Variants in IFT122 observed in about 807,000 individuals in gnomAD.
IFT122 encodes the protein intraflagellar transport 122.
IFT122 carries 118 observed loss-of-function variants against 161.6 expected under a neutral mutation model. The observed-to-expected ratio is 0.73, with a 90% CI of 0.63 to 0.85. The LOEUF (loss-of-function observed/expected upper bound fraction) is 0.85. Among genes scored for constraint, IFT122 ranks in the 40% least tolerant of loss-of-function variants. The probability of loss-of-function intolerance (pLI) is 0.00; values close to 1 mark genes in which losing one functional copy is unlikely to be tolerated. For missense variants in IFT122, 1,381 were observed against 1,579.6 expected (o/e 0.87, Z 2.13); for synonymous variants, 550 against 602.4 (o/e 0.91, Z 1.27).
intron 3 of IFT122, among the ~76,000 whole-genome samples, chr3:129,452,719 G>T (rs546161996): frequency 1.3e-5 from 2 of 152,196 alleles, no homozygotes; most frequent in African/African-American, 4.8e-5. Context: ...ACTACTGAAA[G>T]GTCCTCAGCA....
chr3:129,440,327 C>A lies in IFT122; in HGVS notation c.-4C>A, dbSNP rs374479969. ...GAGGAGCCCGAGCCGTAAGGGAAGC[C>A]GTGATGAGGGCCGTGTTGACGTGGA... is the stretch of plus-strand genomic sequence containing the variant. On this transcript the variant is annotated 5_prime_UTR_variant, in exon 1 of 30. Coordinates refer to ENST00000348417, the MANE Select transcript of IFT122 (RefSeq NM_052989.3). The A allele has an allele frequency of 1.9e-6, 3 of 1,550,742 alleles. No homozygotes were observed. The highest frequency in any genetic ancestry group is 2.0e-5 in the Admixed American group (1 of 50,978).
Position 129,514,366 on chromosome 3 carries a change from G to T in IFT122, c.2988-23G>T. The T allele has an allele frequency of 1.9e-6, 3 of 1,613,758 alleles. No homozygotes were observed. The South Asian group carries it at 3.3e-5, about 18-fold the overall frequency. ...TCCTGGGCCTGGTGTTGCCCCTGCTGTCCTTAACCCTGTTCACGGCAGGAA... is the reference window on the plus strand; with the variant it reads ...TCCTGGGCCTGGTGTTGCCCCTGCTTTCCTTAACCCTGTTCACGGCAGGAA... On this transcript the variant is annotated intron_variant, in intron 24 of 29. Transcript: ENST00000348417.
rs1422297328 is a variant in IFT122, at chr3:129,461,291, C to T, written c.336C>T (p.Ser112=). 6.2e-7 allele frequency: 1 copy of T among 1,612,386 alleles called. No individual in the cohort carries two copies. The highest frequency in any genetic ancestry group is 1.1e-5 in the South Asian group (1 of 91,038). The change falls in exon 5 of 30, where the codon TCC becomes TCT. Residue 112 remains serine, a synonymous_variant. Coordinates refer to ENST00000348417, the MANE Select transcript of IFT122 (RefSeq NM_052989.3). ...TTACTCATCAACTGGCATCTTGTTC[C>T]TCCAGTGACTTTGGTACGTTCTGAT... is the stretch of plus-strand genomic sequence containing the variant. ...NPITHQLASC[S]SSDFGLWSPE...
chr3:129,484,488 A>AT (rs1315309183), intron 15 of IFT122, among the ~76,000 whole-genome samples: 2 of 152,228 alleles, frequency 1.3e-5, no homozygotes, highest in Admixed American at 1.3e-4. Flanking sequence ...TTATAAGAAC[A>AT]TTTTTAAACA....
intron 15 of IFT122, chr3:129,487,919 G>A (rs1394253314): frequency 2.5e-6 from 1 of 394,390 alleles, no homozygotes; most frequent in Non-Finnish European, 4.9e-6. Context: ...GGCCTTGAAA[G>A]CCAAATAGGT....
chr3:129,495,326 G>A, intron 17 of IFT122, 120 bp from the exon 18 acceptor site: 1 of 1,393,070 alleles, frequency 7.2e-7, no homozygotes, highest in Admixed American at 2.1e-5. Flanking sequence ...CAGGAGCCAA[G>A]CCCAGGTTCC....
Position 129,483,669 on chromosome 3 carries a change from T to G in IFT122, c.1838T>G (p.Val613Gly), listed in dbSNP as rs1438918125. 6 of 1,599,460 alleles carry G rather than the reference T, an allele frequency of 3.8e-6. No homozygotes were observed. Among genetic ancestry groups the G allele is most frequent in the Non-Finnish European group, 5.1e-6 (6 of 1,172,696 alleles). ...CTCCATGTCTTCTCCATTTCTGCCG[T>G]GGAGGTGCCGCAGGTAACTGGGGGT... ...FCLHVFSISA[V>G]EVPQSAPMYQ... The change falls in exon 15 of 30, where the codon GTG (valine) becomes GGG (glycine). Residue 613 changes from valine to glycine, a missense_variant. Physicochemically the swap from Val to Gly is moderately radical, Grantham distance 109. Transcript: ENST00000348417.
intron 17 of IFT122, 97 bp downstream of exon 17, chr3:129,492,291 G>A (rs1559951882): frequency 4.0e-6 from 4 of 988,788 alleles, no homozygotes; most frequent in Non-Finnish European, 6.5e-6. Context: ...GAGGACATGG[G>A]AACAGAGCTC....
At chr3:129,463,254 G>GTGGT in intron 5 of IFT122, 2 of 330,950 alleles carry the variant, frequency 6.0e-6, no homozygotes, top group Non-Finnish European at 1.2e-5. Flanking sequence ...ATTGCCATCA[G>GTGGT]CGTGACACAG....
chr3:129,474,841 T>C (rs1434878861), intron 9 of IFT122, among the ~76,000 whole-genome samples: 1 of 152,110 alleles, frequency 6.6e-6, no homozygotes, highest in Non-Finnish European at 1.5e-5. Flanking sequence ...AAAGGACTTG[T>C]ATCTGGAATA....
chr3:129,448,529 G>A (rs1340813562), intron 1 of IFT122, among the ~76,000 whole-genome samples: 5 of 152,214 alleles, frequency 3.3e-5, no homozygotes, highest in South Asian at 4.1e-4. Context: ...TATTTACGTG[G>A]CCAGCGCCAT....
chr3:129,517,043 ACACACACACACACACACAGACTGCCCCTG>A (rs2083943449), intron 26 of IFT122, among the ~76,000 whole-genome samples: 1 of 113,038 alleles, frequency 8.8e-6, no homozygotes, highest in African/African-American at 3.6e-5. Context: ...GCTCCTGCAC[ACACACACACACACACACAGACTGCCCCTG>A]CACACACACA....
At position 129,478,161 on chromosome 3, in the gene IFT122, C is replaced by A; in HGVS notation, c.1293C>A (p.Ile431=). 1 of 1,614,176 alleles carries A rather than the reference C, an allele frequency of 6.2e-7. No homozygotes were observed. The highest frequency in any genetic ancestry group is 8.5e-7 in the Non-Finnish European group (1 of 1,180,024). The part of the protein sequence containing the change: ...DMHYRVKEKI[I]KKFECNLLVV... Reference sequence around the variant, plus strand: ...ATTACCGGGTAAAGGAGAAGATTATCAAGAAGTTTGAGTGCAACCTCCTGG... The same window carrying A: ...ATTACCGGGTAAAGGAGAAGATTATAAAGAAGTTTGAGTGCAACCTCCTGG... The change falls in exon 12 of 30, where the codon ATC becomes ATA. Residue 431 remains isoleucine (I), a synonymous_variant. Coordinates refer to ENST00000348417, the MANE Select transcript of IFT122 (RefSeq NM_052989.3).
intron 8 of IFT122, among the ~76,000 whole-genome samples, chr3:129,467,905 G>A (rs1270214782): frequency 1.3e-5 from 2 of 152,198 alleles, no homozygotes; most frequent in African/African-American, 4.8e-5. Flanking sequence ...GCCTTTGATT[G>A]TTTCAACATG....
At chr3:129,498,156 T>C (rs2081110071) in intron 18 of IFT122, among the ~76,000 whole-genome samples, 1 of 152,218 alleles carries the variant, frequency 6.6e-6, no homozygotes, top group Non-Finnish European at 1.5e-5. Flanking sequence ...TTGCTGAGCC[T>C]TGAAGGAAGC....
At chr3:129,516,325 ACACACAGAGACTGCCCCTG>A in intron 26 of IFT122, among the ~76,000 whole-genome samples, 1 of 143,968 alleles carries the variant, frequency 6.9e-6, no homozygotes, top group South Asian at 2.3e-4. Flanking sequence ...GCCCCTGCAC[ACACACAGAGACTGCCCCTG>A]CACACACACA....
chr3:129,479,467 A>G (rs575984915), intron 12 of IFT122, among the ~76,000 whole-genome samples: 210 of 152,168 alleles, frequency 1.4e-3, no homozygotes, highest in South Asian at 9.8e-3. Context: ...AATCAAAGTT[A>G]GAACTCCAAG....
intron 12 of IFT122, among the ~76,000 whole-genome samples, chr3:129,479,514 G>A (rs1299188644): frequency 2.6e-5 from 4 of 152,142 alleles, no homozygotes; most frequent in Non-Finnish European, 4.4e-5. Context: ...GATAGATGTG[G>A]CAAGTATGTG....
chr3:129,494,783 G>T (rs776220829), intron 17 of IFT122, among the ~76,000 whole-genome samples: 1 of 152,072 alleles, frequency 6.6e-6, no homozygotes, highest in Non-Finnish European at 1.5e-5. Flanking sequence ...ACAGAACTGC[G>T]TCCAAATTCC....
Sources: allele counts gnomAD v4.1 joint callset (sites outside exome capture counted in the v4.1 genomes callset), GRCh38; gene constraint gnomAD v4.1.1; transcripts MANE v1.5; gene names NCBI Gene and HGNC (gene_info 2026-07-23, HGNC 2026-07-21).